Variants in GSE1 observed in about 807,000 individuals in gnomAD.
GSE1 encodes the protein genetic suppressor element 1.
Under a neutral mutation model 112.6 loss-of-function variants are expected in GSE1, and 32 were observed. That is an observed-to-expected ratio of 0.28 (90% CI 0.21 to 0.38). The LOEUF (loss-of-function observed/expected upper bound fraction) is 0.38. Ranked by LOEUF, GSE1 falls within the 10% of genes least tolerant of loss-of-function variation. GSE1 has a pLI of 1.00. For missense variants in GSE1, 2,348 were observed against 1,699.2 expected (o/e 1.38, Z -6.71); for synonymous variants, 1,115 against 735.6 (o/e 1.52, Z -8.35).
intron 1 of GSE1, among the ~76,000 whole-genome samples, chr16:85,629,688 G>T (rs1462870604): frequency 6.6e-6 from 1 of 152,210 alleles, no homozygotes; most frequent in East Asian, 1.9e-4. Flanking sequence ...GCTCTCTGAG[G>T]AATGTGGGAA....
At chr16:85,256,676 CA>C (rs1907117713) in intron 1 of GSE1, among the ~76,000 whole-genome samples, 1 of 152,280 alleles carries the variant, frequency 6.6e-6, no homozygotes, top group East Asian at 1.9e-4. Context: ...GCTCAGACCC[CA>C]TGTCTGTCCC....
rs192376343 is a variant in GSE1 at position 85,291,157 on chromosome 16, T to C, written c.2284-66306T>C. ...TTTTACAGAAGGGGAAACTGAGGCA[T>C]GTAGTGGGTATGTCCCTCACCCAGG... is the stretch of plus-strand genomic sequence containing the variant. On this transcript the variant is annotated intron_variant, in intron 1 of 2. Transcript: ENST00000637419. 5.0e-4 allele frequency among the ~76,000 whole-genome samples: 76 copies of C among 152,244 alleles called. 1 individual carries two copies. The East Asian group carries it at 5.2e-3, about 10-fold the overall frequency.
intron 1 of GSE1, among the ~76,000 whole-genome samples, chr16:85,570,818 AC>A (rs2045952027): frequency 6.6e-6 from 1 of 151,912 alleles, no homozygotes; most frequent in Admixed American, 6.6e-5. Flanking sequence ...TCTCTCGAAG[AC>A]CCTGCCGGAC....
intron 2 of GSE1, among the ~76,000 whole-genome samples, chr16:85,539,973 T>C (rs2044465239): frequency 6.6e-6 from 1 of 152,236 alleles, no homozygotes; most frequent in South Asian, 2.1e-4. Flanking sequence ...TTTCCTCTTC[T>C]CTGCAGACAG....
chr16:85,493,358 A>G (rs1369921038), intron 2 of GSE1, among the ~76,000 whole-genome samples: 1 of 151,982 alleles, frequency 6.6e-6, no homozygotes, highest in East Asian at 1.9e-4. Flanking sequence ...AGGCAGGAGG[A>G]TTGCTTGAGT....
intron 2 of GSE1, among the ~76,000 whole-genome samples, chr16:85,432,167 A>G (rs1025065118): frequency 5.3e-5 from 8 of 152,318 alleles, no homozygotes; most frequent in African/African-American, 1.4e-4. Flanking sequence ...AGAGTGTCAT[A>G]AGGTTAGGTT....
intron 2 of GSE1, among the ~76,000 whole-genome samples, chr16:85,509,857 AC>A (rs146015266): frequency 1.3e-5 from 2 of 150,070 alleles, no homozygotes; most frequent in Non-Finnish European, 3.0e-5. Flanking sequence ...GGGATAGGAG[AC>A]CCCCCCAGCC....
chr16:85,497,524 C>T (rs2051221399), intron 2 of GSE1, among the ~76,000 whole-genome samples: 1 of 152,188 alleles, frequency 6.6e-6, no homozygotes, highest in Non-Finnish European at 1.5e-5. Context: ...GCACCCCGCT[C>T]TTATTTTTAG....
At chr16:85,574,172 T>A (rs1230663644) in intron 1 of GSE1, among the ~76,000 whole-genome samples, 1 of 152,130 alleles carries the variant, frequency 6.6e-6, no homozygotes, top group Non-Finnish European at 1.5e-5. Flanking sequence ...AGCGCTCTTG[T>A]GGGAGAGAAA....
intron 2 of GSE1, among the ~76,000 whole-genome samples, chr16:85,384,943 G>T (rs1383253595): frequency 6.6e-6 from 1 of 152,244 alleles, no homozygotes; most frequent in Non-Finnish European, 1.5e-5. Flanking sequence ...CCGGCCTGCC[G>T]CAGACCCAGC....
chr16:85,428,464 TG>T (rs1346471304), intron 2 of GSE1, among the ~76,000 whole-genome samples: 2 of 152,200 alleles, frequency 1.3e-5, no homozygotes, highest in African/African-American at 2.4e-5. Flanking sequence ...CTTGCTTAGC[TG>T]TAAAATGGGG....
intron 2 of GSE1, among the ~76,000 whole-genome samples, chr16:85,418,081 C>G (rs2048744584): frequency 6.6e-6 from 1 of 152,224 alleles, no homozygotes. Flanking sequence ...TCGTGATCCA[C>G]CCGCCTCAGC....
chr16:85,191,586 A>G (rs1333991465), intron 1 of GSE1, among the ~76,000 whole-genome samples: 1 of 152,132 alleles, frequency 6.6e-6, no homozygotes, highest in East Asian at 1.9e-4. Flanking sequence ...CGGCATGTTC[A>G]GTACGTACTT....
At chr16:85,339,341 C>T (rs746417700) in intron 1 of GSE1, among the ~76,000 whole-genome samples, 2 of 152,158 alleles carry the variant, frequency 1.3e-5, no homozygotes, top group Admixed American at 6.5e-5. Flanking sequence ...TTGCCTGGAC[C>T]CAGGGCTGTG....
intron 1 of GSE1, among the ~76,000 whole-genome samples, chr16:85,342,195 A>G (rs1243748557): frequency 1.3e-5 from 2 of 151,124 alleles, no homozygotes; most frequent in Non-Finnish European, 3.0e-5. Context: ...CGTGACAGAA[A>G]CCCTGCCCTG....
rs896811069 is a variant in GSE1, at chr16:85,323,087, ATTGT to A, written c.2284-34370_2284-34367del. 3.3e-5 allele frequency among the ~76,000 whole-genome samples: 5 copies of A among 151,866 alleles called. 1 individual carries two copies. On this transcript the variant is annotated intron_variant, in intron 1 of 2. Transcript: ENST00000637419. The stretch of plus-strand genomic sequence containing the variant: ...GGAAGGGAAAACAGAACAGGGCGTC[ATTGT>A]TTGTTGTTTCTGACCGTTTGTGGTT...
At chr16:85,510,367 C>T (rs890669554) in intron 2 of GSE1, among the ~76,000 whole-genome samples, 15 of 151,958 alleles carry the variant, frequency 9.9e-5, no homozygotes, top group Non-Finnish European at 1.3e-4. Flanking sequence ...CTGGGCTCAC[C>T]CACCGCTTCC....
chr16:85,275,050 G>T (rs1271098923), intron 1 of GSE1, among the ~76,000 whole-genome samples: 1 of 152,236 alleles, frequency 6.6e-6, no homozygotes, highest in African/African-American at 2.4e-5. Flanking sequence ...TCTGTCAGGT[G>T]TGAGGGGCCA....
chr16:85,217,257 G>A (rs2143712196), intron 1 of GSE1, among the ~76,000 whole-genome samples: 2 of 152,364 alleles, frequency 1.3e-5, no homozygotes, highest in African/African-American at 4.8e-5. Context: ...AAGGGTGGGA[G>A]GCAGGAGGAG....
Sources: allele counts gnomAD v4.1 joint callset (sites outside exome capture counted in the v4.1 genomes callset), GRCh38; gene constraint gnomAD v4.1.1; transcripts MANE v1.5; gene names NCBI Gene and HGNC (gene_info 2026-07-23, HGNC 2026-07-21).